Variants in AKAP6 observed in about 807,000 individuals in gnomAD.
AKAP6 encodes A-kinase anchoring protein 6.
In AKAP6, 58 loss-of-function variants were observed where a neutral mutation model predicts 188.5. The ratio of observed to expected loss-of-function variants is 0.31; its 90% CI spans 0.25 to 0.38. The LOEUF (loss-of-function observed/expected upper bound fraction) is 0.38. Among genes scored for constraint, AKAP6 ranks in the 10% least tolerant of loss-of-function variants. The probability of loss-of-function intolerance (pLI) is 1.00; values close to 1 mark genes in which losing one functional copy is unlikely to be tolerated. For missense variants in AKAP6, 2,710 were observed against 2,740.0 expected (o/e 0.99, Z 0.24); for synonymous variants, 989 against 998.6 (o/e 0.99, Z 0.18).
At chr14:32,672,765 T>G (rs1889265375) in intron 7 of AKAP6, among the ~76,000 whole-genome samples, 1 of 152,180 alleles carries the variant, frequency 6.6e-6, no homozygotes, top group Non-Finnish European at 1.5e-5. Flanking sequence ...TCCCACTATT[T>G]GGTATGGTGG....
In AKAP6 at chr14:32,429,461, A is replaced by G. The variant is rs543416392; in HGVS notation, c.-34-3999A>G. 1.7e-3 allele frequency among the ~76,000 whole-genome samples: 255 copies of G among 152,336 alleles called. 1 individual carries two copies. Among genetic ancestry groups the G allele is most frequent in the African/African-American group, 5.9e-3 (246 of 41,576 alleles). On this transcript the variant is annotated intron_variant, in intron 1 of 13. Transcript: ENST00000280979. Reference sequence around the variant, plus strand: ...TTTAAAAAATTATAATTTATCTTTAAAATCAGATGTGATTTTGTTAAAATC... The same window carrying G: ...TTTAAAAAATTATAATTTATCTTTAGAATCAGATGTGATTTTGTTAAAATC...
At chr14:32,633,898 G>A (rs892581921) in intron 7 of AKAP6, among the ~76,000 whole-genome samples, 3 of 152,004 alleles carry the variant, frequency 2.0e-5, no homozygotes, top group Admixed American at 6.6e-5. Flanking sequence ...AATATCGTTC[G>A]TGTCACAAAT....
At chr14:32,431,686 G>A (rs1890232029) in intron 1 of AKAP6, among the ~76,000 whole-genome samples, 1 of 151,968 alleles carries the variant, frequency 6.6e-6, no homozygotes. Context: ...CTAATTTTTG[G>A]TATTTTTAGT....
chr14:32,439,376 T>A (rs1890492892), intron 2 of AKAP6, among the ~76,000 whole-genome samples: 1 of 151,872 alleles, frequency 6.6e-6, no homozygotes, highest in African/African-American at 2.4e-5. Flanking sequence ...GGACAAGGAG[T>A]CTGCCCCAGT....
chr14:32,436,927 A>G (rs538800263), intron 2 of AKAP6, among the ~76,000 whole-genome samples: 5 of 152,304 alleles, frequency 3.3e-5, no homozygotes, highest in African/African-American at 1.2e-4. Context: ...CTCTGTCTCA[A>G]AAAACTAAAG....
chr14:32,346,698 C>T (rs568957783), intron 1 of AKAP6, among the ~76,000 whole-genome samples: 307 of 152,216 alleles, frequency 2.0e-3, no homozygotes, highest in Admixed American at 4.1e-3. Context: ...TTAGTAGAGA[C>T]GGGGTTTCAC....
intron 7 of AKAP6, among the ~76,000 whole-genome samples, chr14:32,629,824 G>T (rs1387385134): frequency 1.3e-5 from 2 of 152,056 alleles, no homozygotes; most frequent in Admixed American, 1.3e-4. Flanking sequence ...CCTGTAATCT[G>T]AACACTTTGA....
chr14:32,726,117 A>G, intron 9 of AKAP6: 3 of 893,128 alleles, frequency 3.4e-6, no homozygotes, highest in Non-Finnish European at 4.0e-6. Context: ...TCTAGTTCCC[A>G]CACTAGAAAA....
At chr14:32,421,980 G>A (rs956209040) in intron 1 of AKAP6, among the ~76,000 whole-genome samples, 4 of 152,116 alleles carry the variant, frequency 2.6e-5, no homozygotes, top group African/African-American at 9.7e-5. Flanking sequence ...ACTATGCATG[G>A]CATCTGCCAG....
chr14:32,592,925 A>G (rs1885546402), intron 5 of AKAP6, among the ~76,000 whole-genome samples: 2 of 151,844 alleles, frequency 1.3e-5, no homozygotes, highest in South Asian at 2.1e-4. Context: ...TTGCTTGTCA[A>G]CAGCCCCATT....
At chr14:32,751,551 A>G (rs1594910377) in intron 11 of AKAP6, among the ~76,000 whole-genome samples, 1 of 146,384 alleles carries the variant, frequency 6.8e-6, no homozygotes, top group East Asian at 2.0e-4. Flanking sequence ...GATTTTGAAA[A>G]TCCTGCTTTA....
chr14:32,812,262 T>C (rs1373289823), intron 12 of AKAP6, among the ~76,000 whole-genome samples: 3 of 152,246 alleles, frequency 2.0e-5, no homozygotes, highest in African/African-American at 7.2e-5. Context: ...TCATTGCAGT[T>C]GGGATTTTTA....
chr14:32,662,955 T>G (rs1305763466), intron 7 of AKAP6, among the ~76,000 whole-genome samples: 1 of 152,144 alleles, frequency 6.6e-6, no homozygotes. Flanking sequence ...TTTTAAAAAG[T>G]AAGTGAAATG....
intron 9 of AKAP6, among the ~76,000 whole-genome samples, chr14:32,727,651 T>C (rs758969337): frequency 7.2e-5 from 11 of 152,252 alleles, no homozygotes; most frequent in South Asian, 2.1e-4. Flanking sequence ...TGTCATTTGC[T>C]GTGCGAGTTC....
intron 11 of AKAP6, among the ~76,000 whole-genome samples, chr14:32,765,333 G>A (rs139993788): frequency 2.9e-4 from 44 of 152,298 alleles, no homozygotes; most frequent in African/African-American, 9.6e-4. Context: ...CTTTGGTAAA[G>A]TATGTGAAGC....
intron 2 of AKAP6, among the ~76,000 whole-genome samples, chr14:32,487,049 GC>G (rs1351248026): frequency 1.3e-5 from 2 of 152,104 alleles, no homozygotes; most frequent in African/African-American, 4.8e-5. Flanking sequence ...TTTATCCCAG[GC>G]CTTTTCTGCC....
intron 2 of AKAP6, among the ~76,000 whole-genome samples, chr14:32,486,209 G>A (rs1879677756): frequency 1.8e-5 from 1 of 55,208 alleles, no homozygotes; most frequent in African/African-American, 9.4e-5. Context: ...TGCTGTTTTG[G>A]TTACCGTATG....
chr14:32,419,776 A>G (rs1243332508), intron 1 of AKAP6, among the ~76,000 whole-genome samples: 1 of 152,128 alleles, frequency 6.6e-6, no homozygotes, highest in Non-Finnish European at 1.5e-5. Flanking sequence ...TGTATTAAAA[A>G]AAAATACAAT....
intron 2 of AKAP6, among the ~76,000 whole-genome samples, chr14:32,500,869 T>C (rs150295468): frequency 9.2e-5 from 14 of 152,246 alleles, no homozygotes; most frequent in Admixed American, 7.9e-4. Context: ...TATAAACAAG[T>C]TCCTTTTTCC....
Sources: gnomAD v4.1 joint callset for allele counts (sites outside exome capture counted in the v4.1 genomes callset) on GRCh38, gnomAD v4.1.1 for gene constraint, MANE v1.5 for transcripts, NCBI Gene and HGNC (gene_info 2026-07-23, HGNC 2026-07-21) for gene names.